DSCAM: variants seen among roughly 807,000 people sequenced by gnomAD.
DSCAM encodes cell adhesion molecule DSCAM.
Under a neutral mutation model 217.7 loss-of-function variants are expected in DSCAM, and 47 were observed. That is an observed-to-expected ratio of 0.22 (90% CI 0.17 to 0.28). The LOEUF is 0.28. Ranked by LOEUF, DSCAM falls within the 10% of genes least tolerant of loss-of-function variation. DSCAM has a pLI of 1.00. For synonymous variants in DSCAM, 1,056 were observed against 1,015.3 expected, an observed-to-expected ratio of 1.04 and a Z score of -0.76; for missense variants, 2,080 against 2,618.3, an observed-to-expected ratio of 0.79 and a Z score of 4.49.
intron 6 of DSCAM, among the ~76,000 whole-genome samples, chr21:40,342,624 G>GTATATATA (rs1363119200): frequency 6.5e-5 from 5 of 77,266 alleles, no homozygotes; most frequent in African/African-American, 2.9e-4. Context: ...GTGTGTGTGT[G>GTATATATA]TGTATATATA....
At chr21:40,813,576 T>C (rs963663049) in intron 1 of DSCAM, among the ~76,000 whole-genome samples, 1 of 152,150 alleles carries the variant, frequency 6.6e-6, no homozygotes, top group Non-Finnish European at 1.5e-5. Context: ...AACCTAATGA[T>C]TATTCAAGAG....
intron 32 of DSCAM, among the ~76,000 whole-genome samples, chr21:40,019,283 C>G (rs529447485): frequency 1.3e-5 from 2 of 152,304 alleles, no homozygotes; most frequent in East Asian, 3.9e-4. Context: ...TCCCCAGTGC[C>G]CTGCCTGCCA....
At chr21:40,132,199 T>C (rs1047044430) in intron 19 of DSCAM, among the ~76,000 whole-genome samples, 5 of 152,192 alleles carry the variant, frequency 3.3e-5, no homozygotes, top group African/African-American at 1.2e-4. Context: ...CATCCCACTC[T>C]GTGGCAAGCA....
chr21:40,716,113 T>G (rs2090839603), intron 1 of DSCAM, among the ~76,000 whole-genome samples: 1 of 152,222 alleles, frequency 6.6e-6, no homozygotes, highest in African/African-American at 2.4e-5. Flanking sequence ...CACTTCTCCT[T>G]ATATTTTTAA....
intron 3 of DSCAM, among the ~76,000 whole-genome samples, chr21:40,604,293 TAG>T (rs1032799238): frequency 2.0e-4 from 31 of 152,292 alleles, no homozygotes; most frequent in Non-Finnish European, 2.4e-4. Context: ...AATTCTTCCT[TAG>T]AGTTTCCATT....
chr21:40,172,730 T>C (rs2090672962), intron 15 of DSCAM, among the ~76,000 whole-genome samples: 1 of 152,238 alleles, frequency 6.6e-6, no homozygotes, highest in African/African-American at 2.4e-5. Flanking sequence ...TTGCCTCTGG[T>C]TCTGATTGGG....
At chr21:40,158,435 A>G (rs2090503696) in intron 16 of DSCAM, among the ~76,000 whole-genome samples, 1 of 152,202 alleles carries the variant, frequency 6.6e-6, no homozygotes, top group East Asian at 1.9e-4. Flanking sequence ...AAAGAAAAAA[A>G]GAAAAGAAAC....
intron 3 of DSCAM, among the ~76,000 whole-genome samples, chr21:40,584,619 A>G (rs2076930124): frequency 6.6e-6 from 1 of 151,950 alleles, no homozygotes; most frequent in Admixed American, 6.6e-5. Flanking sequence ...AGCAGCAGGG[A>G]CTCTGCAAAG....
At chr21:40,696,505 G>C (rs1005267077) in intron 2 of DSCAM, among the ~76,000 whole-genome samples, 3 of 152,136 alleles carry the variant, frequency 2.0e-5, no homozygotes, top group African/African-American at 4.8e-5. Context: ...CTTAGGGCTG[G>C]CCTCAGGAGG....
intron 1 of DSCAM, among the ~76,000 whole-genome samples, chr21:40,732,880 C>T (rs2091026714): frequency 6.6e-6 from 1 of 152,192 alleles, no homozygotes; most frequent in South Asian, 2.1e-4. Context: ...ATTTTTTCTA[C>T]TATTTCAGAG....
intron 3 of DSCAM, among the ~76,000 whole-genome samples, chr21:40,389,783 C>G (rs1192743168): frequency 6.6e-6 from 1 of 152,184 alleles, no homozygotes; most frequent in African/African-American, 2.4e-5. Context: ...TGCTTCCTAC[C>G]CAATGGCCAT....
chr21:40,116,147 C>A (rs2089967751), intron 20 of DSCAM, among the ~76,000 whole-genome samples: 1 of 152,026 alleles, frequency 6.6e-6, no homozygotes, highest in South Asian at 2.1e-4. Flanking sequence ...AACACAACAA[C>A]AACACACACC....
Position 40,472,373 on chromosome 21 carries a change from T to G in DSCAM, c.509-103128A>C, listed in dbSNP as rs139476485. Among the ~76,000 whole-genome samples, 9 of 152,270 alleles carry G rather than the reference T, an allele frequency of 5.9e-5. No homozygotes were observed. The South Asian group carries it at 1.9e-3, about 32-fold the overall frequency. On this transcript the variant is annotated intron_variant, in intron 3 of 32. Transcript: ENST00000400454. ...CAAATTTTAAATTCACTAATAACTA[T>G]TGAAAGCAATCCAGAAGCAAACCCG...
chr21:40,809,075 T>C (rs1357869784), intron 1 of DSCAM, among the ~76,000 whole-genome samples: 1 of 151,956 alleles, frequency 6.6e-6, no homozygotes, highest in Non-Finnish European at 1.5e-5. Context: ...GTCCTGACTG[T>C]TAGGGCAGGA....
intron 32 of DSCAM, among the ~76,000 whole-genome samples, chr21:40,033,483 G>A (rs56089630): frequency 0.015 from 2,337 of 152,062 alleles, 75 homozygotes; most frequent in African/African-American, 0.051. Flanking sequence ...AAAACACGGC[G>A]CACCACGAGA....
chr21:40,426,747 C>T (rs2075478706), intron 3 of DSCAM, among the ~76,000 whole-genome samples: 2 of 152,060 alleles, frequency 1.3e-5, no homozygotes, highest in Non-Finnish European at 2.9e-5. Flanking sequence ...CTAGGAGCAC[C>T]AGCTAGTGAC....
chr21:40,318,416 C>G (rs1407300147), intron 8 of DSCAM, among the ~76,000 whole-genome samples: 1 of 151,922 alleles, frequency 6.6e-6, no homozygotes, highest in Non-Finnish European at 1.5e-5. Context: ...ATGGCAGGGA[C>G]AAGAGTGAAG....
At chr21:40,023,041 G>A (rs13052845) in intron 32 of DSCAM, among the ~76,000 whole-genome samples, 5,076 of 117,974 alleles carry the variant, frequency 0.043, 620 homozygotes, top group East Asian at 0.41. Context: ...CCCCACTACA[G>A]TCCCCAGAGT....
At chr21:40,828,049 G>C (rs1444783701) in intron 1 of DSCAM, among the ~76,000 whole-genome samples, 2 of 152,160 alleles carry the variant, frequency 1.3e-5, no homozygotes, top group Non-Finnish European at 2.9e-5. Context: ...AGGGATAACA[G>C]AGAGAAAACA....
Sources: allele counts gnomAD v4.1 joint callset (sites outside exome capture counted in the v4.1 genomes callset), GRCh38; gene constraint gnomAD v4.1.1; transcripts MANE v1.5; gene names NCBI Gene and HGNC (gene_info 2026-07-23, HGNC 2026-07-21).